ZNF423: variants seen among roughly 807,000 people sequenced by gnomAD.
The protein encoded by ZNF423 is zinc finger protein 423, also known as Ebf-associated zinc finger protein.
In ZNF423, 12 loss-of-function variants were observed where a neutral mutation model predicts 95.8. That is an observed-to-expected ratio of 0.13 (90% CI 0.08 to 0.20). The LOEUF (loss-of-function observed/expected upper bound fraction) is 0.20. ZNF423 is among the 10% of genes least tolerant of loss of function. The probability of loss-of-function intolerance (pLI) is 1.00; values close to 1 mark genes in which losing one functional copy is unlikely to be tolerated. For synonymous variants in ZNF423, 749 were observed against 711.9 expected (o/e 1.05, Z -0.83); for missense variants, 1,316 against 1,737.1 (o/e 0.76, Z 4.31).
At chr16:49,774,681 A>G (rs2034091171) in intron 2 of ZNF423, among the ~76,000 whole-genome samples, 1 of 152,142 alleles carries the variant, frequency 6.6e-6, no homozygotes, top group South Asian at 2.1e-4. Flanking sequence ...GCTCTGCCAG[A>G]TGAAGACCCC....
In ZNF423 at chr16:49,489,591, T is replaced by C. The variant is rs1966892801; in HGVS notation, c.*1684A>G. On this transcript the variant is annotated 3_prime_UTR_variant, in exon 8 of 8. Coordinates refer to ENST00000563137, the MANE Select transcript of ZNF423 (RefSeq NM_001379286.1). The stretch of plus-strand genomic sequence containing the variant: ...TGACAGAAAGAAAGGGGAACTCTTA[T>C]AGGTCACCAGAAGCCCCTTGATATG... The C allele has an allele frequency of 6.6e-6, 1 of 152,246 alleles. No homozygotes were observed. The highest frequency in any genetic ancestry group is 2.4e-5 in the African/African-American group (1 of 41,464). The allele number at this position is 152,246 out of a possible 1,614,324, so 9.4% of individuals were successfully genotyped here. A position where few individuals can be genotyped will look rare whatever the true frequency, so the allele number is the denominator to read the frequency against.
chr16:49,827,472 G>A (rs955000731), intron 1 of ZNF423, among the ~76,000 whole-genome samples: 4 of 152,112 alleles, frequency 2.6e-5, no homozygotes, highest in African/African-American at 7.2e-5. Context: ...CACGACAGAC[G>A]CTCAGTAATA....
At chr16:49,824,776 C>A (rs892735899) in intron 1 of ZNF423, among the ~76,000 whole-genome samples, 1 of 152,124 alleles carries the variant, frequency 6.6e-6, no homozygotes, top group Non-Finnish European at 1.5e-5. Context: ...TCCTGGACCC[C>A]GCCTCTCCAC....
At chr16:49,842,328 G>C (rs1472926891) in intron 1 of ZNF423, among the ~76,000 whole-genome samples, 3 of 94,722 alleles carry the variant, frequency 3.2e-5, no homozygotes, top group Non-Finnish European at 4.7e-5. Context: ...GAAGGGAAGG[G>C]AAGGGAAGGG....
At chr16:49,631,577 A>C (rs1463510210) in intron 4 of ZNF423, among the ~76,000 whole-genome samples, 1 of 152,194 alleles carries the variant, frequency 6.6e-6, no homozygotes, top group Non-Finnish European at 1.5e-5. Context: ...GCCTGTGGCC[A>C]GGGCTGCCTC....
chr16:49,506,333 A>G (rs944226851), intron 7 of ZNF423, among the ~76,000 whole-genome samples: 1 of 152,034 alleles, frequency 6.6e-6, no homozygotes, highest in Non-Finnish European at 1.5e-5. Flanking sequence ...CGGATGATGG[A>G]CAGATGGATG....
Position 49,669,261 on chromosome 16 carries a change from G to A in ZNF423, c.302-30387C>T, listed in dbSNP as rs185253374. 1.1e-3 allele frequency among the ~76,000 whole-genome samples: 168 copies of A among 151,962 alleles called. 1 individual carries two copies. The highest frequency in any genetic ancestry group is 3.4e-3 in the Middle Eastern group (1 of 294). On this transcript the variant is annotated intron_variant, in intron 3 of 7. Transcript: ENST00000563137. ...GGAGAATCACTTGAACTCGGGAGGC[G>A]GAGGTTGCAGTGAGCTGAGTTCGCG...
At chr16:49,737,943 C>A (rs945099830) in intron 2 of ZNF423, among the ~76,000 whole-genome samples, 5 of 152,204 alleles carry the variant, frequency 3.3e-5, no homozygotes, top group African/African-American at 1.2e-4. Flanking sequence ...TCCCAGCCAC[C>A]ATCAGAGGTC....
intron 3 of ZNF423, among the ~76,000 whole-genome samples, chr16:49,686,898 C>T (rs1317607305): frequency 1.3e-5 from 2 of 152,044 alleles, no homozygotes; most frequent in Non-Finnish European, 2.9e-5. Flanking sequence ...GATCCCTGCA[C>T]CAGCCTCGCA....
intron 5 of ZNF423, among the ~76,000 whole-genome samples, chr16:49,615,128 T>TCACACACACACACACACACACA (rs557190259): frequency 1.1e-4 from 11 of 98,452 alleles, no homozygotes; most frequent in African/African-American, 4.1e-4. Context: ...AGAAACTCCA[T>TCACACACACACACACACACACA]CTCACACACA....
intron 1 of ZNF423, among the ~76,000 whole-genome samples, chr16:49,845,922 C>T (rs999067814): frequency 6.6e-6 from 1 of 152,052 alleles, no homozygotes; most frequent in Admixed American, 6.6e-5. Flanking sequence ...GACCCTTCCC[C>T]TGAGAAAGGC....
At chr16:49,685,512 C>G (rs568263920) in intron 3 of ZNF423, among the ~76,000 whole-genome samples, 8 of 152,338 alleles carry the variant, frequency 5.3e-5, no homozygotes, top group Admixed American at 3.9e-4. Context: ...AAAGACTTCT[C>G]TGCCTCCAAT....
intron 5 of ZNF423, among the ~76,000 whole-genome samples, chr16:49,575,049 C>T (rs1336011342): frequency 1.3e-5 from 2 of 152,080 alleles, no homozygotes; most frequent in East Asian, 1.9e-4. Context: ...ACAGGCGGAT[C>T]GAGGGGTCGG....
At chr16:49,744,297 G>A (rs749879916) in intron 2 of ZNF423, among the ~76,000 whole-genome samples, 8 of 152,270 alleles carry the variant, frequency 5.3e-5, no homozygotes, top group Non-Finnish European at 1.0e-4. Flanking sequence ...GGTCCGAGAA[G>A]CCTCAGCACA....
At chr16:49,543,982 T>G (rs919927379) in intron 5 of ZNF423, among the ~76,000 whole-genome samples, 1 of 152,214 alleles carries the variant, frequency 6.6e-6, no homozygotes, top group Admixed American at 6.5e-5. Flanking sequence ...AGTGGGCTGA[T>G]AGAATGCAAC....
intron 5 of ZNF423, among the ~76,000 whole-genome samples, chr16:49,557,143 G>C (rs955913223): frequency 1.3e-5 from 2 of 152,252 alleles, no homozygotes; most frequent in Non-Finnish European, 2.9e-5. Flanking sequence ...TGGCGGCCTA[G>C]AGAGTGACCA....
At chr16:49,527,486 C>G (rs1175088440) in intron 5 of ZNF423, among the ~76,000 whole-genome samples, 1 of 152,128 alleles carries the variant, frequency 6.6e-6, no homozygotes, top group Non-Finnish European at 1.5e-5. Flanking sequence ...CCCCTGCCCC[C>G]TGCACAAACA....
chr16:49,650,094 G>T (rs574522527), intron 3 of ZNF423, among the ~76,000 whole-genome samples: 11 of 152,354 alleles, frequency 7.2e-5, no homozygotes, highest in Non-Finnish European at 1.5e-4. Flanking sequence ...GACCAGGCCT[G>T]CCCTTCTCCA....
intron 1 of ZNF423, among the ~76,000 whole-genome samples, chr16:49,850,499 G>C (rs1054974175): frequency 6.6e-6 from 1 of 152,224 alleles, no homozygotes; most frequent in Non-Finnish European, 1.5e-5. Flanking sequence ...TAGACTCACA[G>C]ATACGAAGGA....
Sources: gnomAD v4.1 joint callset for allele counts (sites outside exome capture counted in the v4.1 genomes callset) on GRCh38, gnomAD v4.1.1 for gene constraint, MANE v1.5 for transcripts, NCBI Gene and HGNC (gene_info 2026-07-23, HGNC 2026-07-21) for gene names.